The following TLE3 variants were observed in gnomAD, a reference collection of about 807,000 sequenced individuals.
The protein encoded by TLE3 is TLE family member 3, transcriptional corepressor.
Under a neutral mutation model 93.0 loss-of-function variants are expected in TLE3, and 14 were observed. The ratio of observed to expected loss-of-function variants is 0.15; its 90% CI spans 0.10 to 0.24. The LOEUF (loss-of-function observed/expected upper bound fraction) is 0.24, where lower values mean the gene tolerates loss of function less well. Among genes scored for constraint, TLE3 ranks in the 10% least tolerant of loss-of-function variants. The probability of loss-of-function intolerance (pLI) is 1.00; values close to 1 mark genes in which losing one functional copy is unlikely to be tolerated. For synonymous variants in TLE3, 451 were observed against 425.0 expected, an observed-to-expected ratio of 1.06 and a Z score of -0.75; for missense variants, 693 against 1,046.6, an observed-to-expected ratio of 0.66 and a Z score of 4.66.
At position 70,054,450 on chromosome 15, in the gene TLE3, T is replaced by C; in HGVS notation, c.1814A>G (p.Gln605Arg). The C allele has an allele frequency of 6.2e-7, 1 of 1,613,580 alleles. No individual in the cohort carries two copies. ...GNIAVWDLHNQTLVRQFQGHT... is the reference protein window; with the variant it reads ...GNIAVWDLHNRTLVRQFQGHT... ...CCTGCCGGCTCACCTGACCAGGGTC[T>C]GGTTGTGCAGGTCCCAGACAGCAAT... The change falls in exon 16 of 20, where the codon CAG becomes CGG. Residue 605 changes from glutamine (Q) to arginine (R), a missense_variant. Physicochemically the swap from Gln to Arg is conservative, Grantham distance 43. This residue lies in a region of TLE3 where 153 missense variants were observed against 379.9 expected (regional missense o/e 0.40). Transcript: ENST00000451782.
At position 70,057,517 on chromosome 15, in the gene TLE3, G is replaced by A; in HGVS notation, c.1193C>T (p.Ala398Val). ...GLHNIPPQMS[A>V]AAAAAAAAYG... ...GGCAGCGGCTGCAGCAGCGGCGGCGGCGCTCATCTGGGGTGGGATGTTGTG... is the reference window on the plus strand; with the variant it reads ...GGCAGCGGCTGCAGCAGCGGCGGCGACGCTCATCTGGGGTGGGATGTTGTG... The change falls in exon 13 of 20, where the codon GCC (alanine) becomes GTC (valine). Residue 398 changes from alanine (A) to valine (V), a missense_variant. By Grantham distance (64) the Ala-to-Val change is moderately conservative (BLOSUM62 0). This residue lies in a region of TLE3 where 405 missense variants were observed against 468.9 expected (regional missense o/e 0.86). Coordinates refer to ENST00000451782, the MANE Select transcript of TLE3 (RefSeq NM_001105192.3). 5 of 1,607,916 alleles carry A rather than the reference G, an allele frequency of 3.1e-6. No homozygotes were observed. Among genetic ancestry groups the A allele is most frequent in the Non-Finnish European group, 4.2e-6 (5 of 1,177,514 alleles).
chr15:70,094,679 G>A (rs1005620504), intron 3 of TLE3, 103 bp from the exon 4 acceptor site: 7 of 845,208 alleles, frequency 8.3e-6, no homozygotes, highest in African/African-American at 3.5e-5. Flanking sequence ...ATACTTTTAC[G>A]ATACATTTGC....
chr15:70,054,689 G>A lies in TLE3; in HGVS notation c.1579-4C>T, dbSNP rs761413838. 7 of 1,581,816 alleles carry A rather than the reference G, an allele frequency of 4.4e-6. No individual in the cohort carries two copies. The highest frequency in any genetic ancestry group is 6.0e-6 in the Non-Finnish European group (7 of 1,160,320). On this transcript the variant is annotated splice_region_variant and splice_polypyrimidine_tract_variant and intron_variant, in intron 15 of 19. Coordinates refer to ENST00000451782, the MANE Select transcript of TLE3 (RefSeq NM_001105192.3). ...AGCGGATGTAATTGTCCCTGTTCTG[G>A]AGGGAGAAGGGGCAGGGCTGAGTGC...
intron 8 of TLE3, among the ~76,000 whole-genome samples, chr15:70,062,938 G>C (rs899121398): frequency 1.3e-5 from 2 of 152,184 alleles, no homozygotes; most frequent in Non-Finnish European, 2.9e-5. Context: ...GTTCCCAGGG[G>C]GGGTCTTTTA....
intron 4 of TLE3, among the ~76,000 whole-genome samples, chr15:70,091,792 T>C (rs1465474217): frequency 6.6e-6 from 1 of 152,116 alleles, no homozygotes; most frequent in East Asian, 1.9e-4. Flanking sequence ...CTGGCAGGAC[T>C]CGAGGTTCCC....
At chr15:70,052,631 C>CCCCA in intron 17 of TLE3, 107 bp from the exon 18 acceptor site, 1 of 1,287,486 alleles carries the variant, frequency 7.8e-7, no homozygotes, top group Non-Finnish European at 1.0e-6. Context: ...CAGGGTCCCT[C>CCCCA]CCCACCCACC....
chr15:70,073,043 G>A (rs2057265447), intron 6 of TLE3, among the ~76,000 whole-genome samples: 1 of 152,198 alleles, frequency 6.6e-6, no homozygotes, highest in Non-Finnish European at 1.5e-5. Context: ...ACCTGCCCAA[G>A]CAGCACTGAG....
chr15:70,086,636 G>A (rs567981287), intron 4 of TLE3, among the ~76,000 whole-genome samples: 3 of 152,258 alleles, frequency 2.0e-5, no homozygotes, highest in East Asian at 3.9e-4. Flanking sequence ...AACTTCTATC[G>A]GCCTGCGGTA....
chr15:70,095,337 GA>G (rs1218218774), intron 3 of TLE3: 2 of 1,424,008 alleles, frequency 1.4e-6, no homozygotes, highest in Admixed American at 3.0e-5. Flanking sequence ...AGATAGTACA[GA>G]AGTCTCCGGC....
At chr15:70,063,081 G>GGACCC (rs1347193091) in intron 8 of TLE3, among the ~76,000 whole-genome samples, 3 of 152,196 alleles carry the variant, frequency 2.0e-5, no homozygotes, top group Non-Finnish European at 4.4e-5. Flanking sequence ...GTCCCTGCTA[G>GGACCC]CCAGGTAATC....
At position 70,097,286 on chromosome 15, in the gene TLE3, A is replaced by G. The variant is rs1347803856; in HGVS notation, c.-488T>C. 1 of 401,494 alleles carries G rather than the reference A, an allele frequency of 2.5e-6. No homozygotes were observed. Among genetic ancestry groups the G allele is most frequent in the African/African-American group, 2.1e-5 (1 of 48,374 alleles). 24.9% of individuals were successfully genotyped at this position (401,494 alleles called of 1,614,324 possible). A position where few individuals can be genotyped will look rare whatever the true frequency, so the allele number is the denominator to read the frequency against. On this transcript the variant is annotated 5_prime_UTR_variant, in exon 1 of 20. Transcript: ENST00000451782. The stretch of plus-strand genomic sequence containing the variant: ...ATCCGGGGCGCGCGGGTCCGATCCT[A>G]GAGGCGTCCGGGCCTGGGGCTCGCG...
At chr15:70,084,827 T>C (rs966408003) in intron 4 of TLE3, among the ~76,000 whole-genome samples, 3 of 152,240 alleles carry the variant, frequency 2.0e-5, no homozygotes, top group Non-Finnish European at 4.4e-5. Flanking sequence ...TTGTCCTCTA[T>C]GTCTGAGGCC....
chr15:70,062,448 C>T (rs545764997), intron 8 of TLE3, among the ~76,000 whole-genome samples: 1 of 152,200 alleles, frequency 6.6e-6, no homozygotes. Context: ...GGGAGAACAG[C>T]GAGCTCTTTC....
chr15:70,060,148 G>A (rs2056369809), intron 9 of TLE3, among the ~76,000 whole-genome samples: 1 of 152,232 alleles, frequency 6.6e-6, no homozygotes, highest in Non-Finnish European at 1.5e-5. Flanking sequence ...GTGAGTGCAT[G>A]CCTCAGGCCA....
At chr15:70,053,651 G>C (rs2055753853) in intron 16 of TLE3, 1 of 285,636 alleles carries the variant, frequency 3.5e-6, no homozygotes, top group Non-Finnish European at 6.6e-6. Flanking sequence ...TTCTGAGACT[G>C]AGTCCCTCCA....
intron 8 of TLE3, among the ~76,000 whole-genome samples, chr15:70,063,952 C>T (rs1030033820): frequency 1.3e-5 from 2 of 152,190 alleles, no homozygotes; most frequent in South Asian, 2.1e-4. Context: ...GTGGTAAAAA[C>T]CTTGGCCCTG....
chr15:70,090,914 C>T (rs919111255), intron 4 of TLE3, among the ~76,000 whole-genome samples: 2 of 152,130 alleles, frequency 1.3e-5, no homozygotes, highest in African/African-American at 4.8e-5. Context: ...TAGCCTTAGC[C>T]TGTTTGGATA....
At chr15:70,095,704 C>G (rs563165750) in intron 2 of TLE3, 63 bp from the exon 3 acceptor site, 19 of 1,532,094 alleles carry the variant, frequency 1.2e-5, no homozygotes, top group Non-Finnish European at 1.7e-5. Context: ...GAGGCCCCGA[C>G]CCAAGGGCCT....
chr15:70,094,466 A>G, intron 4 of TLE3, 66 bp downstream of exon 4: 3 of 1,238,782 alleles, frequency 2.4e-6, no homozygotes, highest in African/African-American at 1.5e-5. Flanking sequence ...AAGAGAGAAC[A>G]TAAGAAGTCC....
Sources: gnomAD v4.1 joint callset for allele counts (sites outside exome capture counted in the v4.1 genomes callset) on GRCh38, gnomAD v4.1.1 for gene constraint, gnomAD v4.1.1 regional missense constraint, MANE v1.5 for transcripts, NCBI Gene and HGNC (gene_info 2026-07-23, HGNC 2026-07-21) for gene names.